Variants in PCDHGB1 observed in about 807,000 individuals in gnomAD.
PCDHGB1 encodes protocadherin gamma-B1.
PCDHGB1 carries 34 observed loss-of-function variants against 56.6 expected under a neutral mutation model. That is an observed-to-expected ratio of 0.60 (90% CI 0.46 to 0.80). The LOEUF (loss-of-function observed/expected upper bound fraction) is 0.80. Among genes scored for constraint, PCDHGB1 ranks in the 30% least tolerant of loss-of-function variants. The pLI is 0.00. For missense variants in PCDHGB1, 1,278 were observed against 1,204.6 expected (o/e 1.06, Z -0.90); for synonymous variants, 561 against 505.9 (o/e 1.11, Z -1.46).
chr5:141,353,366 G>A (rs1188764395), intron 1 of PCDHGB1, among the ~76,000 whole-genome samples: 1 of 152,122 alleles, frequency 6.6e-6, no homozygotes, highest in Non-Finnish European at 1.5e-5. Flanking sequence ...TGTAATTGAT[G>A]TAATTATGTA....
chr5:141,391,134 C>T (rs2092305385), intron 1 of PCDHGB1: 1 of 152,118 alleles, frequency 6.6e-6, no homozygotes, highest in African/African-American at 2.4e-5. Context: ...TAATCATTCT[C>T]CTACCTCTAG....
intron 1 of PCDHGB1, chr5:141,356,250 A>G (rs750081994): frequency 2.1e-5 from 33 of 1,575,134 alleles, no homozygotes; most frequent in Non-Finnish European, 2.8e-5. Flanking sequence ...TCACAGTTAC[A>G]TCTCTCACCA....
At chr5:141,413,958 G>C in intron 1 of PCDHGB1, 1 of 1,613,392 alleles carries the variant, frequency 6.2e-7, no homozygotes, top group African/African-American at 1.3e-5. Flanking sequence ...ATTTGCCTGT[G>C]GGCACTCAGC....
At chr5:141,375,211 T>A in intron 1 of PCDHGB1, 1 of 1,614,010 alleles carries the variant, frequency 6.2e-7, no homozygotes, top group South Asian at 1.1e-5. Context: ...ATCGAGACTC[T>A]GGCCTGAATG....
chr5:141,432,014 A>C lies in PCDHGB1; in HGVS notation c.2410-62793A>C, dbSNP rs778393699. Reference sequence around the variant, plus strand: ...GGATAGGGAACAGGTTCCTAGCTACAACATCACAGTGACCGCCACTGACCG... The same window carrying C: ...GGATAGGGAACAGGTTCCTAGCTACCACATCACAGTGACCGCCACTGACCG... On this transcript the variant is annotated intron_variant, in intron 1 of 3. Transcript: ENST00000523390. This position sits in a 1 kb window ranked among gnomAD's most constrained non-coding sequence, Gnocchi z 6.0. 16 of 1,614,196 alleles carry C rather than the reference A, an allele frequency of 9.9e-6. 1 individual carries two copies. In the South Asian group the frequency reaches 1.6e-4, roughly 17 times the overall value.
rs182936964 is a variant in PCDHGB1, at chr5:141,502,069, T to C, written c.2469-3324T>C. 1.1e-3 allele frequency among the ~76,000 whole-genome samples: 175 copies of C among 152,186 alleles called. 1 individual carries two copies. Among genetic ancestry groups the C allele is most frequent in the African/African-American group, 3.9e-3 (162 of 41,524 alleles). ...CCCTACTTTATTCCCATTAGCCCCC[T>C]TCACCTGGGGCTGAGAACACCTGGC... On this transcript the variant is annotated intron_variant, in intron 2 of 3. Coordinates refer to ENST00000523390, the MANE Select transcript of PCDHGB1 (RefSeq NM_018922.3).
At chr5:141,427,774 G>A (rs760144039) in intron 1 of PCDHGB1, 1 of 1,420,908 alleles carries the variant, frequency 7.0e-7, no homozygotes, top group Non-Finnish European at 9.8e-7. Context: ...TTGGAGCTGC[G>A]GGCACTGTCG....
intron 1 of PCDHGB1, chr5:141,388,773 G>A (rs769358867): frequency 1.9e-6 from 3 of 1,613,808 alleles, no homozygotes; most frequent in East Asian, 2.2e-5. Flanking sequence ...CTCTAACACC[G>A]GGGAAATTAC....
rs1285653916 is a variant in PCDHGB1, at chr5:141,388,617, G to A, written c.2409+35948G>A. ...TGATAATGCTCCAGTGTTCAGTCAA[G>A]ACGTATACAGGGTGAGCCTTTCAGA... is the stretch of plus-strand genomic sequence containing the variant. On this transcript the variant is annotated intron_variant, in intron 1 of 3. Coordinates refer to ENST00000523390, the MANE Select transcript of PCDHGB1 (RefSeq NM_018922.3). The A allele has an allele frequency of 3.1e-6, 5 of 1,613,920 alleles. No individual in the cohort carries two copies. The South Asian group carries it at 5.5e-5, about 18-fold the overall frequency.
At chr5:141,399,692 G>A (rs780007896) in intron 1 of PCDHGB1, 2 of 1,613,318 alleles carry the variant, frequency 1.2e-6, no homozygotes, top group Middle Eastern at 1.7e-4. Flanking sequence ...GAGCAGCTGC[G>A]CACCTTCGAA....
intron 1 of PCDHGB1, chr5:141,420,300 C>T (rs773892933): frequency 1.6e-5 from 24 of 1,467,248 alleles, no homozygotes; most frequent in African/African-American, 2.8e-5. Context: ...TGTATTTAAT[C>T]CTTTTTATAT....
At chr5:141,366,514 A>G (rs766799381) in intron 1 of PCDHGB1, 8 of 1,614,142 alleles carry the variant, frequency 5.0e-6, no homozygotes, top group Non-Finnish European at 6.8e-6. Context: ...TTCAGGCTGA[A>G]GGCAGCAGGT....
At chr5:141,423,375 G>C in intron 1 of PCDHGB1, 1 of 1,614,192 alleles carries the variant, frequency 6.2e-7, no homozygotes, top group Non-Finnish European at 8.5e-7. Context: ...TGGCACTCAG[G>C]CTGTGGCGCT....
At chr5:141,415,859 T>C in intron 1 of PCDHGB1, 1 of 1,187,664 alleles carries the variant, frequency 8.4e-7, no homozygotes, top group Non-Finnish European at 1.1e-6. Context: ...CCTTGTAGTT[T>C]ATAGTGTTGT....
In PCDHGB1 at chr5:141,489,399, C is replaced by A. The variant is rs2099686689; in HGVS notation, c.2410-5408C>A. On this transcript the variant is annotated intron_variant, in intron 1 of 3. Coordinates refer to ENST00000523390, the MANE Select transcript of PCDHGB1 (RefSeq NM_018922.3). The surrounding 1 kb of genome is among the most constrained non-coding windows in gnomAD (Gnocchi z 4.5). ...TGGGGAATGTTGCTCAGGATCTGGGCTTAAAGATGACAGATCTGTTGAGCC... is the reference window on the plus strand; with the variant it reads ...TGGGGAATGTTGCTCAGGATCTGGGATTAAAGATGACAGATCTGTTGAGCC... 1 of 1,614,024 alleles carries A rather than the reference C, an allele frequency of 6.2e-7. No homozygotes were observed. Among genetic ancestry groups the A allele is most frequent in the African/African-American group, 1.3e-5 (1 of 74,910 alleles).
intron 3 of PCDHGB1, chr5:141,507,285 C>T (rs80317708): frequency 2.7e-5 from 4 of 150,212 alleles, no homozygotes; most frequent in African/African-American, 7.4e-5. Flanking sequence ...ATAAGTCAGT[C>T]TCAAATGTTG....
chr5:141,423,875 A>G (rs1354115544), intron 1 of PCDHGB1: 8 of 1,282,448 alleles, frequency 6.2e-6, no homozygotes, highest in African/African-American at 3.1e-5. Context: ...TCATTTTTCA[A>G]TCTTGGCATA....
chr5:141,410,234 CG>C, intron 1 of PCDHGB1: 1 of 1,613,984 alleles, frequency 6.2e-7, no homozygotes, highest in Non-Finnish European at 8.5e-7. Context: ...CCTCAGCGAC[CG>C]CCCTGTACTC....
intron 1 of PCDHGB1, among the ~76,000 whole-genome samples, chr5:141,363,604 C>T (rs907704240): frequency 6.6e-6 from 1 of 152,196 alleles, no homozygotes; most frequent in Non-Finnish European, 1.5e-5. Flanking sequence ...CAAACGCTGT[C>T]TGAGATAGTG....
Sources: gnomAD v4.1 joint callset for allele counts (sites outside exome capture counted in the v4.1 genomes callset) on GRCh38, gnomAD v4.1.1 for gene constraint, Gnocchi (gnomAD v3.1) non-coding constraint, MANE v1.5 for transcripts, NCBI Gene and HGNC (gene_info 2026-07-23, HGNC 2026-07-21) for gene names.